PALM2AKAP2: variants seen among roughly 807,000 people sequenced by gnomAD.
PALM2AKAP2 encodes the protein PALM2-AKAP2 fusion protein.
Under a neutral mutation model 71.5 loss-of-function variants are expected in PALM2AKAP2, and 37 were observed. The ratio of observed to expected loss-of-function variants is 0.52; its 90% CI spans 0.40 to 0.68. The LOEUF (loss-of-function observed/expected upper bound fraction) is 0.68. Ranked by LOEUF, PALM2AKAP2 falls within the 30% of genes least tolerant of loss-of-function variation. The pLI is 0.00. For missense variants in PALM2AKAP2, 1,224 were observed against 1,191.8 expected, an observed-to-expected ratio of 1.03 and a Z score of -0.40; for synonymous variants, 468 against 478.8, an observed-to-expected ratio of 0.98 and a Z score of 0.29.
intron 6 of PALM2AKAP2, among the ~76,000 whole-genome samples, chr9:110,002,287 A>T (rs1226482394): frequency 6.6e-6 from 1 of 152,050 alleles, no homozygotes; most frequent in Non-Finnish European, 1.5e-5. Flanking sequence ...GGTTTTTGTC[A>T]TTGGTTCTGT....
intron 6 of PALM2AKAP2, among the ~76,000 whole-genome samples, chr9:110,005,724 G>C (rs1488510631): frequency 6.6e-6 from 1 of 152,202 alleles, no homozygotes; most frequent in Non-Finnish European, 1.5e-5. Flanking sequence ...CTTCAGCAAT[G>C]GCAGGCACCC....
At chr9:110,137,508 G>A (rs1488977396) in exon 2 of PALM2AKAP2, 11 of 1,614,048 alleles carry the variant, frequency 6.8e-6, no homozygotes, top group East Asian at 2.2e-5. Context: ...CCTTCTAAAC[G>A]TGGGCCCTTA....
intron 1 of PALM2AKAP2, among the ~76,000 whole-genome samples, chr9:109,719,757 C>G (rs1420784665): frequency 6.6e-6 from 1 of 152,146 alleles, no homozygotes; most frequent in East Asian, 1.9e-4. Flanking sequence ...ATTCTCTAAA[C>G]TATTCCCAGT....
chr9:110,138,076 G>T (rs76059538), exon 2 of PALM2AKAP2: 1 of 1,566,612 alleles, frequency 6.4e-7, no homozygotes. Flanking sequence ...CTGAAGCTGC[G>T]GCTTTCGGCT....
At chr9:109,954,738 T>G (rs1009890521) in intron 6 of PALM2AKAP2, among the ~76,000 whole-genome samples, 5 of 151,928 alleles carry the variant, frequency 3.3e-5, no homozygotes, top group African/African-American at 1.2e-4. Context: ...AGAAAATGGT[T>G]ATGCAGATTC....
intron 2 of PALM2AKAP2, among the ~76,000 whole-genome samples, chr9:110,154,183 T>C (rs1458512398): frequency 3.3e-5 from 5 of 152,220 alleles, no homozygotes; most frequent in Non-Finnish European, 5.9e-5. Context: ...ATTAACCTTA[T>C]AAATATTAAC....
chr9:109,841,101 A>C lies in PALM2AKAP2; in HGVS notation c.46-26390A>C, dbSNP rs141373433. ...GTTGTGACACTATTCACAATAGCAAAGACTTGGAACCAACCCAAAGTCCAT... is the reference window on the plus strand; with the variant it reads ...GTTGTGACACTATTCACAATAGCAACGACTTGGAACCAACCCAAAGTCCAT... On this transcript the variant is annotated intron_variant, in intron 1 of 9. Transcript: ENST00000302798. 2.5e-3 allele frequency among the ~76,000 whole-genome samples: 384 copies of C among 152,314 alleles called. 1 individual carries two copies. Among genetic ancestry groups the C allele is most frequent in the African/African-American group, 9.0e-3 (376 of 41,556 alleles).
At chr9:110,096,050 C>A (rs1454372435) in intron 1 of PALM2AKAP2, among the ~76,000 whole-genome samples, 1 of 152,204 alleles carries the variant, frequency 6.6e-6, no homozygotes, top group Non-Finnish European at 1.5e-5. Context: ...CCATGATACC[C>A]TTTTCTATGT....
chr9:110,049,760 G>A (rs954351431), intron 1 of PALM2AKAP2, among the ~76,000 whole-genome samples: 37 of 152,344 alleles, frequency 2.4e-4, no homozygotes, highest in African/African-American at 8.4e-4. Context: ...GGAGTGGATA[G>A]GAGGGGAGTA....
intron 1 of PALM2AKAP2, among the ~76,000 whole-genome samples, chr9:109,809,031 G>A (rs548401826): frequency 1.3e-5 from 2 of 152,354 alleles, no homozygotes; most frequent in Admixed American, 6.5e-5. Flanking sequence ...GCCTGGATGT[G>A]CAGGTAGAGG....
At chr9:109,828,624 G>T (rs1468056570) in intron 1 of PALM2AKAP2, among the ~76,000 whole-genome samples, 1 of 152,204 alleles carries the variant, frequency 6.6e-6, no homozygotes, top group East Asian at 1.9e-4. Flanking sequence ...TATTGGGGTA[G>T]ATCTGTACCA....
At chr9:109,877,031 C>G (rs1779678864) in intron 2 of PALM2AKAP2, among the ~76,000 whole-genome samples, 1 of 152,166 alleles carries the variant, frequency 6.6e-6, no homozygotes, top group African/African-American at 2.4e-5. Flanking sequence ...AGAGAACATT[C>G]CAAGAGCAGC....
chr9:109,945,853 CA>C (rs1350795902), intron 6 of PALM2AKAP2: 4 of 152,324 alleles, frequency 2.6e-5, no homozygotes, highest in African/African-American at 9.6e-5. Context: ...CTTACTACAA[CA>C]CTACACACAA....
At chr9:110,043,546 C>T (rs1463667865) in intron 7 of PALM2AKAP2, among the ~76,000 whole-genome samples, 1 of 151,820 alleles carries the variant, frequency 6.6e-6, no homozygotes, top group Non-Finnish European at 1.5e-5. Flanking sequence ...TTCATCATTC[C>T]CTTGCCAAAA....
At chr9:109,726,185 T>C (rs560680025) in intron 1 of PALM2AKAP2, among the ~76,000 whole-genome samples, 2 of 152,342 alleles carry the variant, frequency 1.3e-5, no homozygotes, top group African/African-American at 4.8e-5. Flanking sequence ...CCCTTTCCAC[T>C]TGAGCATAGA....
intron 6 of PALM2AKAP2, among the ~76,000 whole-genome samples, chr9:109,969,277 G>T (rs1832018818): frequency 6.6e-6 from 1 of 152,132 alleles, no homozygotes; most frequent in Non-Finnish European, 1.5e-5. Flanking sequence ...ACAGCCTGTG[G>T]CTCTCCCCAC....
chr9:109,745,542 G>A (rs2118696932), intron 1 of PALM2AKAP2, among the ~76,000 whole-genome samples: 1 of 151,758 alleles, frequency 6.6e-6, no homozygotes, highest in East Asian at 1.9e-4. Context: ...TTACCAGCCA[G>A]AATATACACA....
chr9:109,781,763 G>T (rs1762952575), intron 1 of PALM2AKAP2, among the ~76,000 whole-genome samples: 1 of 152,192 alleles, frequency 6.6e-6, no homozygotes, highest in Non-Finnish European at 1.5e-5. Flanking sequence ...TTGCCTATTA[G>T]GTAATCTTTG....
At chr9:110,075,982 A>C (rs1266851492) in intron 1 of PALM2AKAP2, among the ~76,000 whole-genome samples, 1 of 152,194 alleles carries the variant, frequency 6.6e-6, no homozygotes, top group Non-Finnish European at 1.5e-5. Context: ...GTGTTAAAAA[A>C]ATTCAGGAAA....
Sources: allele counts gnomAD v4.1 joint callset (sites outside exome capture counted in the v4.1 genomes callset), GRCh38; gene constraint gnomAD v4.1.1; transcripts MANE v1.5; gene names NCBI Gene and HGNC (gene_info 2026-07-23, HGNC 2026-07-21).